The following KIAA0825 variants were observed in gnomAD, a reference collection of about 807,000 sequenced individuals.
KIAA0825 encodes KIAA0825.
KIAA0825 carries 119 observed loss-of-function variants against 147.6 expected under a neutral mutation model. That is an observed-to-expected ratio of 0.81 (90% CI 0.69 to 0.94). KIAA0825 has a LOEUF of 0.94. Among genes scored for constraint, KIAA0825 ranks in the 40% least tolerant of loss-of-function variants. The pLI, the probability that KIAA0825 is intolerant of heterozygous loss-of-function variation, is 0.00. For missense variants in KIAA0825, 1,381 were observed against 1,472.7 expected (o/e 0.94, Z 1.02); for synonymous variants, 470 against 518.1 (o/e 0.91, Z 1.26).
chr5:94,426,020 G>GTATTATTAT (rs148552259), intron 14 of KIAA0825, among the ~76,000 whole-genome samples: 12,528 of 147,808 alleles, frequency 0.085, 644 homozygotes, highest in East Asian at 0.12. Context: ...GATAATTTTT[G>GTATTATTAT]TATTATTATT....
chr5:94,318,727 G>C (rs548126148), intron 20 of KIAA0825, among the ~76,000 whole-genome samples: 1 of 151,996 alleles, frequency 6.6e-6, no homozygotes, highest in East Asian at 1.9e-4. Flanking sequence ...CTGCTACATA[G>C]TAAAAGGTCA....
intron 20 of KIAA0825, among the ~76,000 whole-genome samples, chr5:94,175,685 A>C (rs867018133): frequency 6.6e-6 from 1 of 152,206 alleles, no homozygotes; most frequent in Admixed American, 6.5e-5. Context: ...TTCCAAAAGA[A>C]GTTCATTAAT....
At chr5:94,511,871 C>T (rs1766531385) in intron 5 of KIAA0825, among the ~76,000 whole-genome samples, 1 of 151,862 alleles carries the variant, frequency 6.6e-6, no homozygotes, top group Non-Finnish European at 1.5e-5. Flanking sequence ...TGCCTGTAAT[C>T]CCAGCTACTT....
chr5:94,287,501 G>T (rs941044648), intron 20 of KIAA0825, among the ~76,000 whole-genome samples: 17 of 152,038 alleles, frequency 1.1e-4, no homozygotes, highest in African/African-American at 4.1e-4. Context: ...AATTCTGCAG[G>T]ATTGAGATAC....
At position 94,568,895 on chromosome 5, in the gene KIAA0825, C is replaced by T. The variant is rs1394142582; in HGVS notation, c.-2+13538G>A. The stretch of plus-strand genomic sequence containing the variant: ...AAAAGGCATAATCAAACTTTACTTC[C>T]TCTTTCTTCTTCCCACTCCTCCTAA... On this transcript the variant is annotated intron_variant, in intron 2 of 20. Transcript: ENST00000682413. 1.9e-5 allele frequency: 3 copies of T among 161,334 alleles called. No individual in the cohort carries two copies. The East Asian group carries it at 5.0e-4, about 27-fold the overall frequency. The allele number at this position is 161,334 out of a possible 1,614,324, so 10.0% of individuals were successfully genotyped here.
At chr5:94,398,813 T>A (rs1751004947) in intron 16 of KIAA0825, among the ~76,000 whole-genome samples, 1 of 152,138 alleles carries the variant, frequency 6.6e-6, no homozygotes, top group African/African-American at 2.4e-5. Context: ...AGCTTTGAGT[T>A]CTTTGGTAAA....
chr5:94,587,772 A>G (rs1028706413), intron 1 of KIAA0825, among the ~76,000 whole-genome samples: 1 of 152,220 alleles, frequency 6.6e-6, no homozygotes, highest in African/African-American at 2.4e-5. Context: ...AGCTAGAGGC[A>G]TCATGCTACC....
chr5:94,242,575 TTCC>T (rs1433847064), intron 20 of KIAA0825, among the ~76,000 whole-genome samples: 3 of 151,954 alleles, frequency 2.0e-5, no homozygotes, highest in East Asian at 1.9e-4. Flanking sequence ...CCTTCCTTCC[TTCC>T]TTTTTTTCTT....
At chr5:94,374,712 G>A (rs569558703) in intron 20 of KIAA0825, among the ~76,000 whole-genome samples, 3 of 152,274 alleles carry the variant, frequency 2.0e-5, no homozygotes, top group East Asian at 1.9e-4. Flanking sequence ...CCTGCTGTCT[G>A]AGACTCTTCC....
At chr5:94,282,944 G>A (rs528510813) in intron 20 of KIAA0825, among the ~76,000 whole-genome samples, 11 of 152,092 alleles carry the variant, frequency 7.2e-5, no homozygotes, top group East Asian at 3.9e-4. Flanking sequence ...GAGAGAGGGC[G>A]TGCAAAATGA....
Position 94,454,899 on chromosome 5 carries a change from C to T in KIAA0825, c.2247-1830G>A, listed in dbSNP as rs375113357. On this transcript the variant is annotated intron_variant, in intron 12 of 20. Coordinates refer to ENST00000682413, the MANE Select transcript of KIAA0825 (RefSeq NM_001145678.3). ...TATAAAACATGTTAAATTCACAGAA[C>T]GAACAATATTCATCTCCTAATGACA... is the stretch of plus-strand genomic sequence containing the variant. Among the ~76,000 whole-genome samples the T allele has an allele frequency of 6.7e-4, 102 of 152,022 alleles. 1 individual carries two copies. Among genetic ancestry groups the T allele is most frequent in the African/African-American group, 2.3e-3 (97 of 41,458 alleles).
intron 13 of KIAA0825, among the ~76,000 whole-genome samples, chr5:94,449,545 A>G (rs1418537282): frequency 6.6e-6 from 1 of 152,144 alleles, no homozygotes; most frequent in African/African-American, 2.4e-5. Flanking sequence ...CTCCTAATAG[A>G]AAAGACTCCC....
At chr5:94,227,186 G>A (rs1011503119) in intron 20 of KIAA0825, among the ~76,000 whole-genome samples, 2 of 152,162 alleles carry the variant, frequency 1.3e-5, no homozygotes, top group African/African-American at 4.8e-5. Context: ...AGAAAATGTG[G>A]CACATATACA....
At chr5:94,519,263 G>A (rs546236083) in intron 5 of KIAA0825, 1 of 892,190 alleles carries the variant, frequency 1.1e-6, no homozygotes, top group Non-Finnish European at 1.3e-6. Flanking sequence ...AGTATAGTGA[G>A]CTATAGGAAT....
At chr5:94,185,924 A>C (rs1436146033) in intron 20 of KIAA0825, among the ~76,000 whole-genome samples, 1 of 152,222 alleles carries the variant, frequency 6.6e-6, no homozygotes, top group Non-Finnish European at 1.5e-5. Flanking sequence ...TTGGAGCATT[A>C]ACTGAGATGA....
intron 20 of KIAA0825, among the ~76,000 whole-genome samples, chr5:94,191,274 G>A (rs1770656454): frequency 6.6e-6 from 1 of 152,092 alleles, no homozygotes; most frequent in Non-Finnish European, 1.5e-5. Flanking sequence ...TTTAGCTGTA[G>A]TATTTGGCTA....
intron 1 of KIAA0825, among the ~76,000 whole-genome samples, chr5:94,608,465 TATATATATAATATATATATATATATA>T (rs1255089598): frequency 1.7e-4 from 1 of 5,888 alleles, no homozygotes; most frequent in Admixed American, 2.1e-3. Flanking sequence ...ATATATATAT[TATATATATAATATATATATATATATA>T]ATTATATATA....
intron 20 of KIAA0825, among the ~76,000 whole-genome samples, chr5:94,277,763 G>A (rs1777284223): frequency 2.6e-5 from 4 of 151,996 alleles, no homozygotes; most frequent in South Asian, 4.1e-4. Context: ...CCCATTACTG[G>A]GTATATACCC....
rs185939839 is a variant in KIAA0825 at position 94,551,831 on chromosome 5, C to A, written c.-1-14704G>T. Among the ~76,000 whole-genome samples, 47 of 151,594 alleles carry A rather than the reference C, an allele frequency of 3.1e-4. 1 individual carries two copies. The East Asian group carries it at 9.1e-3, about 29-fold the overall frequency. ...ATCAAACTTTAACACTACAGAAAAA[C>A]CATCAAACTGCAAAAATAAATAGAG... is the stretch of plus-strand genomic sequence containing the variant. On this transcript the variant is annotated intron_variant, in intron 2 of 20. Coordinates refer to ENST00000682413, the MANE Select transcript of KIAA0825 (RefSeq NM_001145678.3).
Sources: gnomAD v4.1 joint callset for allele counts (sites outside exome capture counted in the v4.1 genomes callset) on GRCh38, gnomAD v4.1.1 for gene constraint, MANE v1.5 for transcripts, NCBI Gene and HGNC (gene_info 2026-07-23, HGNC 2026-07-21) for gene names.